The following MIPOL1 variants were observed in gnomAD, a reference collection of about 807,000 sequenced individuals.
MIPOL1 encodes the protein mirror-image polydactyly gene 1 protein.
In MIPOL1, 57 loss-of-function variants were observed where a neutral mutation model predicts 60.9. The ratio of observed to expected loss-of-function variants is 0.94; its 90% CI spans 0.76 to 1.17. The LOEUF (loss-of-function observed/expected upper bound fraction) is 1.17, where lower values mean the gene tolerates loss of function less well. Among genes scored for constraint, MIPOL1 ranks in the 50% most tolerant of loss-of-function variants. The probability of loss-of-function intolerance (pLI) is 0.00; values close to 1 mark genes in which losing one functional copy is unlikely to be tolerated. For synonymous variants in MIPOL1, 179 were observed against 168.8 expected, an observed-to-expected ratio of 1.06 and a Z score of -0.47; for missense variants, 551 against 511.6, an observed-to-expected ratio of 1.08 and a Z score of -0.74.
At position 37,399,979 on chromosome 14, in the gene MIPOL1, T is replaced by C. The variant is rs535186317; in HGVS notation, c.937-22876T>C. The C allele has an allele frequency of 2.0e-5, 3 of 152,274 alleles. No individual in the cohort carries two copies. In the East Asian group the frequency reaches 5.8e-4, roughly 29 times the overall value. The allele number at this position is 152,274 out of a possible 1,614,324, so 9.4% of individuals were successfully genotyped here. Reference sequence around the variant, plus strand: ...AAAACTCTAATATTGTACAGTGGGCTCTTGAAAGTGAAGCAAAGATTATTC... The same window carrying C: ...AAAACTCTAATATTGTACAGTGGGCCCTTGAAAGTGAAGCAAAGATTATTC... On this transcript the variant is annotated intron_variant, in intron 10 of 12. Transcript: ENST00000684589.
intron 12 of MIPOL1, among the ~76,000 whole-genome samples, chr14:37,517,072 G>C (rs552834046): frequency 2.6e-5 from 4 of 152,158 alleles, no homozygotes; most frequent in Admixed American, 1.3e-4. Flanking sequence ...AAAAATATTA[G>C]TGAACTAACA....
chr14:37,261,646 A>G (rs2082526108), intron 3 of MIPOL1, among the ~76,000 whole-genome samples: 1 of 152,160 alleles, frequency 6.6e-6, no homozygotes, highest in South Asian at 2.1e-4. Flanking sequence ...ATCAAAATAG[A>G]GAAACTAGCT....
chr14:37,302,550 G>A (rs2086395073), intron 7 of MIPOL1, among the ~76,000 whole-genome samples: 1 of 147,314 alleles, frequency 6.8e-6, no homozygotes, highest in African/African-American at 2.5e-5. Flanking sequence ...TTGATGTCTT[G>A]TTTTTTTGAG....
intron 10 of MIPOL1, among the ~76,000 whole-genome samples, chr14:37,389,485 G>A (rs1251109141): frequency 6.6e-6 from 1 of 151,746 alleles, no homozygotes; most frequent in African/African-American, 2.4e-5. Flanking sequence ...TGACATTCTG[G>A]TAATCTGAGA....
chr14:37,383,743 G>A (rs1422942392), intron 10 of MIPOL1, among the ~76,000 whole-genome samples: 4 of 151,898 alleles, frequency 2.6e-5, no homozygotes, highest in Admixed American at 6.6e-5. Context: ...ATTCTGCTGT[G>A]TTAATTACCT....
intron 3 of MIPOL1, among the ~76,000 whole-genome samples, chr14:37,251,480 C>A (rs1369808012): frequency 6.7e-6 from 1 of 149,894 alleles, no homozygotes; most frequent in Non-Finnish European, 1.5e-5. Flanking sequence ...AATGTGTTAC[C>A]ATCTTCAGGC....
intron 9 of MIPOL1, among the ~76,000 whole-genome samples, chr14:37,359,424 G>T (rs1005969233): frequency 5.3e-5 from 8 of 152,168 alleles, no homozygotes; most frequent in African/African-American, 1.9e-4. Flanking sequence ...ATTACCTTGG[G>T]CAGTATGGCC....
At chr14:37,408,995 G>A (rs970293911) in intron 10 of MIPOL1, among the ~76,000 whole-genome samples, 7 of 152,128 alleles carry the variant, frequency 4.6e-5, no homozygotes, top group East Asian at 1.9e-4. Context: ...CACATCTATA[G>A]GAATATTTTG....
intron 7 of MIPOL1, among the ~76,000 whole-genome samples, chr14:37,299,719 A>G (rs111482539): frequency 0.012 from 1,877 of 152,216 alleles, 14 homozygotes; most frequent in Middle Eastern, 0.031. Flanking sequence ...TTAAATTACC[A>G]TGATACTTTT....
chr14:37,298,760 A>G (rs1173306211), intron 7 of MIPOL1, among the ~76,000 whole-genome samples: 2 of 151,920 alleles, frequency 1.3e-5, no homozygotes, highest in Admixed American at 6.6e-5. Context: ...ACCATCTCAC[A>G]CCAGTTAGAA....
chr14:37,290,264 C>T (rs530653749), intron 7 of MIPOL1, among the ~76,000 whole-genome samples: 5 of 152,066 alleles, frequency 3.3e-5, no homozygotes, highest in South Asian at 2.1e-4. Context: ...CTGGCTCTGT[C>T]GCCCAAGCTG....
At position 37,525,408 on chromosome 14, in the gene MIPOL1, T is replaced by A. The variant is rs998519523; in HGVS notation, c.1263-21497T>A. ...ATTCCATTAACTCTTTGGGCTATGTTGCTGTAAGTCTTGATTACTTTTTAG... is the reference window on the plus strand; with the variant it reads ...ATTCCATTAACTCTTTGGGCTATGTAGCTGTAAGTCTTGATTACTTTTTAG... On this transcript the variant is annotated intron_variant, in intron 12 of 12. Coordinates refer to ENST00000684589, the MANE Select transcript of MIPOL1 (RefSeq NM_001388067.1). Among the ~76,000 whole-genome samples, 6 of 152,220 alleles carry A rather than the reference T, an allele frequency of 3.9e-5. No homozygotes were observed. In the East Asian group the frequency reaches 9.6e-4, roughly 24 times the overall value.
intron 1 of MIPOL1, among the ~76,000 whole-genome samples, chr14:37,225,118 T>C (rs1005823556): frequency 6.6e-6 from 1 of 152,190 alleles, no homozygotes; most frequent in Non-Finnish European, 1.5e-5. Flanking sequence ...CTTGTGTTCT[T>C]GCAGGGTACA....
intron 9 of MIPOL1, among the ~76,000 whole-genome samples, chr14:37,342,577 T>C: frequency 6.6e-6 from 1 of 151,862 alleles, no homozygotes; most frequent in African/African-American, 2.4e-5. Flanking sequence ...TTTGTATTTT[T>C]AGTAGAGACA....
At chr14:37,334,100 G>A (rs1026591024) in intron 9 of MIPOL1, among the ~76,000 whole-genome samples, 1 of 151,902 alleles carries the variant, frequency 6.6e-6, no homozygotes, top group Non-Finnish European at 1.5e-5. Flanking sequence ...AGTAGAAAGG[G>A]AAATTTAGAA....
intron 6 of MIPOL1, among the ~76,000 whole-genome samples, chr14:37,276,107 C>T (rs746116910): frequency 2.0e-5 from 3 of 150,948 alleles, no homozygotes; most frequent in Non-Finnish European, 4.5e-5. Flanking sequence ...CTCTCCCTTT[C>T]TCTCTCTCTA....
At chr14:37,438,351 G>C (rs1007157540) in intron 11 of MIPOL1, among the ~76,000 whole-genome samples, 1 of 152,138 alleles carries the variant, frequency 6.6e-6, no homozygotes, top group African/African-American at 2.4e-5. Flanking sequence ...ATATCTTGGA[G>C]TTCAATACAT....
chr14:37,292,441 G>A (rs963937084), intron 7 of MIPOL1, among the ~76,000 whole-genome samples: 9 of 144,388 alleles, frequency 6.2e-5, no homozygotes, highest in African/African-American at 2.0e-4. Context: ...GAACAGAATG[G>A]TACAAGTGAA....
At chr14:37,342,333 C>T (rs2153463196) in intron 9 of MIPOL1, among the ~76,000 whole-genome samples, 1 of 151,768 alleles carries the variant, frequency 6.6e-6, no homozygotes, top group Middle Eastern at 3.4e-3. Context: ...CGCCCTCCAG[C>T]CTGGGTGACA....
Sources: gnomAD v4.1 joint callset for allele counts (sites outside exome capture counted in the v4.1 genomes callset) on GRCh38, gnomAD v4.1.1 for gene constraint, MANE v1.5 for transcripts, NCBI Gene and HGNC (gene_info 2026-07-23, HGNC 2026-07-21) for gene names.